CDH11: variants seen among roughly 807,000 people sequenced by gnomAD.
The protein encoded by CDH11 is cadherin-11.
Under a neutral mutation model 67.8 loss-of-function variants are expected in CDH11, and 11 were observed. That is an observed-to-expected ratio of 0.16 (90% CI 0.10 to 0.27). The LOEUF is 0.27. CDH11 is among the 10% of genes least tolerant of loss of function. The probability of loss-of-function intolerance (pLI) is 1.00; values close to 1 mark genes in which losing one functional copy is unlikely to be tolerated. For synonymous variants in CDH11, 419 were observed against 400.0 expected, an observed-to-expected ratio of 1.05 and a Z score of -0.57; for missense variants, 847 against 1,031.2, an observed-to-expected ratio of 0.82 and a Z score of 2.45.
chr16:65,094,388 C>T (rs2074846845), intron 1 of CDH11, among the ~76,000 whole-genome samples: 1 of 151,906 alleles, frequency 6.6e-6, no homozygotes, highest in African/African-American at 2.4e-5. Context: ...ATAAAGAAAT[C>T]AATACCTTAA....
At chr16:65,102,216 A>C (rs2075002940) in intron 1 of CDH11, among the ~76,000 whole-genome samples, 1 of 152,168 alleles carries the variant, frequency 6.6e-6, no homozygotes, top group Non-Finnish European at 1.5e-5. Context: ...AATCCACTCA[A>C]AGTCTAAGTT....
intron 2 of CDH11, among the ~76,000 whole-genome samples, chr16:65,048,526 A>C (rs926957654): frequency 1.3e-5 from 2 of 150,132 alleles, no homozygotes; most frequent in African/African-American, 5.0e-5. Flanking sequence ...GATAAAGAAA[A>C]TGTGGCGTGT....
chr16:64,965,205 C>CAAA (rs71143537), intron 11 of CDH11, among the ~76,000 whole-genome samples: 2,467 of 56,888 alleles, frequency 0.043, 267 homozygotes, highest in Non-Finnish European at 0.052. Flanking sequence ...CTAAAAATAC[C>CAAA]AAAAAAAAAA....
In CDH11 at chr16:64,977,425, A is replaced by G. The variant is rs2072201480; in HGVS notation, c.1254-4385T>C. Among the ~76,000 whole-genome samples the G allele has an allele frequency of 6.6e-5, 10 of 152,326 alleles. No homozygotes were observed. The South Asian group carries it at 2.1e-3, about 32-fold the overall frequency. On this transcript the variant is annotated intron_variant, in intron 8 of 12. Coordinates refer to ENST00000268603, the MANE Select transcript of CDH11 (RefSeq NM_001797.4). ...TGAATCCTTGGAGACAATGAGGTGCAGAGGAAATGAGTGAGTGTTTTTACG... is the reference window on the plus strand; with the variant it reads ...TGAATCCTTGGAGACAATGAGGTGCGGAGGAAATGAGTGAGTGTTTTTACG...
upstream of CDH11, chr16:65,123,657 G>C (rs1474844459): frequency 6.6e-6 from 1 of 152,086 alleles, no homozygotes; most frequent in African/African-American, 2.4e-5. Context: ...TGCCGGCGAG[G>C]CTGCCCCGGG....
intron 1 of CDH11, among the ~76,000 whole-genome samples, chr16:65,068,931 C>T (rs1022133381): frequency 2.0e-5 from 3 of 152,056 alleles, no homozygotes; most frequent in Non-Finnish European, 4.4e-5. Flanking sequence ...CTAATATTGA[C>T]TAATTTGATG....
At chr16:65,001,812 C>CA (rs1181708372) in intron 3 of CDH11, among the ~76,000 whole-genome samples, 22 of 147,262 alleles carry the variant, frequency 1.5e-4, no homozygotes, top group African/African-American at 5.4e-4. Flanking sequence ...AAAAAAAAAA[C>CA]AAAAACCCAG....
At chr16:65,045,275 C>A (rs948266871) in intron 2 of CDH11, among the ~76,000 whole-genome samples, 4 of 146,324 alleles carry the variant, frequency 2.7e-5, no homozygotes, top group Non-Finnish European at 6.0e-5. Flanking sequence ...GGTATCTTCT[C>A]ACAAGCCCTT....
At chr16:65,097,784 A>G (rs1300784902) in intron 1 of CDH11, among the ~76,000 whole-genome samples, 2 of 152,326 alleles carry the variant, frequency 1.3e-5, no homozygotes, top group African/African-American at 2.4e-5. Flanking sequence ...ATCCTTTCAC[A>G]TTCTCTACTT....
chr16:65,069,435 G>A (rs2074376599), intron 1 of CDH11, among the ~76,000 whole-genome samples: 1 of 152,176 alleles, frequency 6.6e-6, no homozygotes, highest in East Asian at 1.9e-4. Context: ...GGTATTGTCT[G>A]TTCTGGAAAC....
At chr16:65,079,507 G>A (rs2074574019) in intron 1 of CDH11, among the ~76,000 whole-genome samples, 1 of 152,190 alleles carries the variant, frequency 6.6e-6, no homozygotes, top group South Asian at 2.1e-4. Flanking sequence ...GTGTGTGTGT[G>A]TGTTTGTGTG....
intron 1 of CDH11, among the ~76,000 whole-genome samples, chr16:65,091,318 T>C (rs531002444): frequency 1.9e-4 from 29 of 152,330 alleles, no homozygotes; most frequent in African/African-American, 6.7e-4. Flanking sequence ...TTATTTAGTA[T>C]TAATTCCAGA....
At chr16:64,952,310 T>A (rs967265710) in intron 11 of CDH11, among the ~76,000 whole-genome samples, 2 of 152,206 alleles carry the variant, frequency 1.3e-5, no homozygotes, top group African/African-American at 4.8e-5. Context: ...TTTGTTGACA[T>A]AACCACTTTG....
chr16:65,004,533 T>C, intron 3 of CDH11, 109 bp downstream of exon 3: 1 of 1,110,836 alleles, frequency 9.0e-7, no homozygotes, highest in Non-Finnish European at 1.3e-6. Context: ...CTTCAAGCCA[T>C]TGGTGTTTTC....
At chr16:65,104,747 TC>T (rs1194385328) in intron 1 of CDH11, among the ~76,000 whole-genome samples, 1 of 152,070 alleles carries the variant, frequency 6.6e-6, no homozygotes, top group East Asian at 1.9e-4. Context: ...CAAATAATGG[TC>T]CCCATTTATA....
chr16:65,022,744 A>C (rs971175853), intron 2 of CDH11, among the ~76,000 whole-genome samples: 6 of 152,346 alleles, frequency 3.9e-5, no homozygotes, highest in South Asian at 2.1e-4. Flanking sequence ...TGGTGCTAGG[A>C]ATCAGCCAAC....
chr16:65,090,061 C>T (rs1196687863), intron 1 of CDH11, among the ~76,000 whole-genome samples: 5 of 152,020 alleles, frequency 3.3e-5, no homozygotes, highest in African/African-American at 1.2e-4. Flanking sequence ...GGTGTGATTG[C>T]AATTTGTAAT....
intron 1 of CDH11, among the ~76,000 whole-genome samples, chr16:65,089,670 C>T (rs2074762157): frequency 6.6e-6 from 1 of 152,062 alleles, no homozygotes; most frequent in Admixed American, 6.6e-5. Context: ...AGGAAAGAAG[C>T]CAATTCTAAT....
chr16:65,101,672 T>C (rs2074994398), intron 1 of CDH11, among the ~76,000 whole-genome samples: 1 of 152,182 alleles, frequency 6.6e-6, no homozygotes, highest in African/African-American at 2.4e-5. Context: ...ATGACTATCT[T>C]CCTCAAGTGT....
Sources: allele counts gnomAD v4.1 joint callset (sites outside exome capture counted in the v4.1 genomes callset), GRCh38; gene constraint gnomAD v4.1.1; transcripts MANE v1.5; gene names NCBI Gene and HGNC (gene_info 2026-07-23, HGNC 2026-07-21).